The following CFTR variants were observed in gnomAD, a reference collection of about 807,000 sequenced individuals.
The protein encoded by CFTR is CF transmembrane conductance regulator, also known as cystic fibrosis transmembrane conductance regulator.
A neutral mutation model predicts 171.6 loss-of-function variants in CFTR; 181 were observed. The observed-to-expected ratio is 1.05, with a 90% confidence interval of 0.93 to 1.19. The LOEUF is 1.19. CFTR is among the 50% of genes most tolerant of loss of function. CFTR has a pLI of 0.00. For missense variants in CFTR, 1,968 were observed against 1,734.7 expected (o/e 1.13, Z -2.39); for synonymous variants, 583 against 608.0 (o/e 0.96, Z 0.60).
rs116912899 is a variant in CFTR at position 117,485,567 on chromosome 7, G to A, written c.53+5420G>A. ...AATTAGCATTACAGAGTGGCTTTAC[G>A]GCTTTACTGTAGGGCATTGTGTCAG... On this transcript the variant is annotated intron_variant, in intron 1 of 26. Coordinates refer to ENST00000003084, the MANE Select transcript of CFTR (RefSeq NM_000492.4). Among the ~76,000 whole-genome samples the A allele has an allele frequency of 3.9e-3, 600 of 152,180 alleles. 1 individual carries two copies. Among genetic ancestry groups the A allele is most frequent in the Non-Finnish European group, 5.8e-3 (393 of 67,998 alleles).
At chr7:117,624,024 T>C (rs1792617095) in intron 21 of CFTR, among the ~76,000 whole-genome samples, 2 of 152,130 alleles carry the variant, frequency 1.3e-5, no homozygotes, top group Non-Finnish European at 1.5e-5. Flanking sequence ...CCCAAATTAC[T>C]TAAGCTTCAG....
chr7:117,602,840 G>A lies in CFTR; in HGVS notation c.2634G>A (p.Leu878=). ...VIFLAEVAAS[L]VVLWLLGNTP... is the part of the protein sequence containing the mutation. Reference sequence around the variant, plus strand: ...TTCCATTCCAGGTGGCTGCTTCTTTGGTTGTGCTGTGGCTCCTTGGAAAGT... The same window carrying A: ...TTCCATTCCAGGTGGCTGCTTCTTTAGTTGTGCTGTGGCTCCTTGGAAAGT... The change falls in exon 16 of 27, where the codon TTG becomes TTA. Residue 878 remains leucine (L), a synonymous_variant. Coordinates refer to ENST00000003084, the MANE Select transcript of CFTR (RefSeq NM_000492.4). The A allele has an allele frequency of 2.5e-6, 4 of 1,614,000 alleles. No individual in the cohort carries two copies. Among genetic ancestry groups the A allele is most frequent in the Non-Finnish European group, 3.4e-6 (4 of 1,179,880 alleles).
chr7:117,534,326 T>G lies in CFTR; in HGVS notation c.540T>G (p.Leu180=). 1 of 1,605,824 alleles carries G rather than the reference T, an allele frequency of 6.2e-7. No individual in the cohort carries two copies. The highest frequency in any genetic ancestry group is 1.1e-5 in the South Asian group (1 of 90,922). Residue 180 remains leucine, a synonymous_variant, in exon 5 of 27, where the codon CTT becomes CTG. Transcript: ENST00000003084. The stretch of plus-strand genomic sequence containing the variant: ...TAGATAAAATAAGTATTGGACAACT[T>G]GTTAGTCTCCTTTCCAACAACCTGA... The part of the protein sequence containing the change: ...RVLDKISIGQ[L]VSLLSNNLNK...
intron 11 of CFTR, among the ~76,000 whole-genome samples, chr7:117,580,482 A>G (rs558925602): frequency 9.9e-5 from 15 of 152,144 alleles, no homozygotes; most frequent in Non-Finnish European, 1.8e-4. Context: ...TCTTTTAAAA[A>G]TAAAGAAAAC....
chr7:117,501,355 GA>G (rs1484103967), intron 1 of CFTR, among the ~76,000 whole-genome samples: 1 of 151,892 alleles, frequency 6.6e-6, no homozygotes, highest in African/African-American at 2.4e-5. Flanking sequence ...TAAATTTTCA[GA>G]AAATTTGTGA....
intron 21 of CFTR, among the ~76,000 whole-genome samples, chr7:117,625,771 C>G (rs571805457): frequency 6.6e-6 from 1 of 152,124 alleles, no homozygotes; most frequent in Non-Finnish European, 1.5e-5. Context: ...AACTACATCT[C>G]TGGCAGTTTC....
intron 11 of CFTR, among the ~76,000 whole-genome samples, chr7:117,576,185 G>A (rs1380339482): frequency 1.3e-5 from 2 of 151,938 alleles, no homozygotes; most frequent in African/African-American, 4.8e-5. Flanking sequence ...ATTTTTTCTA[G>A]GTTCCGATCT....
chr7:117,542,172 A>G (rs564950525), intron 9 of CFTR, 64 bp downstream of exon 9: 1 of 807,222 alleles, frequency 1.2e-6, no homozygotes, highest in South Asian at 1.4e-5. Context: ...GTGAATATGG[A>G]TTTCATCCTA....
rs139867302 is a variant in CFTR at position 117,656,933 on chromosome 7, C to A, written c.3963+4002C>A. On this transcript the variant is annotated intron_variant, in intron 24 of 26. Coordinates refer to ENST00000003084, the MANE Select transcript of CFTR (RefSeq NM_000492.4). The stretch of plus-strand genomic sequence containing the variant: ...AAACACTTACCCATTGAGTGCCCAA[C>A]CTTAACATGCCCCTAATAAAATGTA... Among the ~76,000 whole-genome samples the A allele has an allele frequency of 2.2e-3, 329 of 152,298 alleles. 3 individuals are homozygous for A. In the Middle Eastern group the frequency reaches 0.024, roughly 11 times the overall value.
intron 11 of CFTR, among the ~76,000 whole-genome samples, chr7:117,568,488 A>G (rs1323508450): frequency 1.3e-5 from 2 of 152,190 alleles, no homozygotes; most frequent in Non-Finnish European, 1.5e-5. Flanking sequence ...GTGGATAATT[A>G]GAAGATTGAA....
intron 1 of CFTR, among the ~76,000 whole-genome samples, chr7:117,503,210 G>C (rs1460356101): frequency 6.6e-6 from 1 of 152,092 alleles, no homozygotes; most frequent in African/African-American, 2.4e-5. Context: ...TTGAATTTTG[G>C]TGCTTTAACA....
chr7:117,492,795 G>A (rs566311085), intron 1 of CFTR, among the ~76,000 whole-genome samples: 2 of 151,972 alleles, frequency 1.3e-5, no homozygotes, highest in East Asian at 3.9e-4. Flanking sequence ...ATAGAATAGA[G>A]CACACCATGG....
At chr7:117,636,070 C>A (rs1226364116) in intron 22 of CFTR, among the ~76,000 whole-genome samples, 1 of 152,056 alleles carries the variant, frequency 6.6e-6, no homozygotes, top group East Asian at 1.9e-4. Flanking sequence ...CAATTTTCCC[C>A]AATTTTTGTT....
intron 2 of CFTR, among the ~76,000 whole-genome samples, chr7:117,507,276 T>A (rs1798435678): frequency 6.6e-6 from 1 of 152,170 alleles, no homozygotes; most frequent in Admixed American, 6.5e-5. Flanking sequence ...ACTACCCCAT[T>A]CTATTTTTTC....
chr7:117,511,362 A>G (rs1055579077), intron 3 of CFTR, among the ~76,000 whole-genome samples: 2 of 152,200 alleles, frequency 1.3e-5, no homozygotes, highest in Non-Finnish European at 2.9e-5. Context: ...ATGGAGAAAG[A>G]CTAAATTGTT....
chr7:117,505,501 C>T (rs575027523), intron 2 of CFTR, among the ~76,000 whole-genome samples: 8 of 152,218 alleles, frequency 5.3e-5, no homozygotes, highest in East Asian at 1.9e-4. Flanking sequence ...TTTCTCAGAC[C>T]GGACCAGCTT....
intron 23 of CFTR, 72 bp downstream of exon 23, chr7:117,642,665 C>A: frequency 6.8e-7 from 1 of 1,476,494 alleles, no homozygotes; most frequent in Non-Finnish European, 9.4e-7. Flanking sequence ...TACTTGTACT[C>A]AAGAAATTCA....
chr7:117,518,858 G>T (rs1798641906), intron 3 of CFTR, among the ~76,000 whole-genome samples: 1 of 152,008 alleles, frequency 6.6e-6, no homozygotes, highest in African/African-American at 2.4e-5. Context: ...TAAGGCACAA[G>T]AATATATTTT....
chr7:117,664,585 A>G, intron 24 of CFTR, 103 bp from the exon 25 acceptor site: 1 of 1,077,710 alleles, frequency 9.3e-7, no homozygotes, highest in Non-Finnish European at 1.4e-6. Context: ...AGGGATTGGT[A>G]TGAAAAACAT....
Sources: gnomAD v4.1 joint callset for allele counts (sites outside exome capture counted in the v4.1 genomes callset) on GRCh38, gnomAD v4.1.1 for gene constraint, MANE v1.5 for transcripts, NCBI Gene and HGNC (gene_info 2026-07-23, HGNC 2026-07-21) for gene names.